The following ANO2 variants were observed in gnomAD, a reference collection of about 807,000 sequenced individuals.
ANO2 encodes the protein anoctamin-2.
ANO2 carries 101 observed loss-of-function variants against 124.2 expected under a neutral mutation model. The ratio of observed to expected loss-of-function variants is 0.81; its 90% CI spans 0.69 to 0.96. The LOEUF (loss-of-function observed/expected upper bound fraction) is 0.96. ANO2 is among the 40% of genes least tolerant of loss of function. The probability of loss-of-function intolerance (pLI) is 0.00; values close to 1 mark genes in which losing one functional copy is unlikely to be tolerated. For missense variants in ANO2, 1,293 were observed against 1,274.5 expected (o/e 1.01, Z -0.22); for synonymous variants, 486 against 482.5 (o/e 1.01, Z -0.09).
At chr12:5,941,471 G>A (rs554894043) in intron 1 of ANO2, among the ~76,000 whole-genome samples, 6 of 151,972 alleles carry the variant, frequency 3.9e-5, no homozygotes, top group African/African-American at 1.2e-4. Context: ...GAAACTAGTA[G>A]GGCGATACCA....
chr12:5,615,432 A>G lies in ANO2; in HGVS notation c.1817-135T>C. ...ATCACGAGACCCATCTCTCTGGCAC[A>G]TTAGAACTGAAGTCATCTGGGAGGC... On this transcript the variant is annotated intron_variant, in intron 16 of 24. Coordinates refer to ENST00000682330, the MANE Select transcript of ANO2 (RefSeq NM_001364791.2). 4 of 647,856 alleles carry G rather than the reference A, an allele frequency of 6.2e-6. No individual in the cohort carries two copies. In the South Asian group the frequency reaches 8.1e-5, roughly 13 times the overall value. The allele number at this position is 647,856 out of a possible 1,614,324, so 40.1% of individuals were successfully genotyped here. A position where few individuals can be genotyped will look rare whatever the true frequency, so the allele number is the denominator to read the frequency against.
At position 5,587,981 on chromosome 12, in the gene ANO2, T is replaced by G. The variant is rs529802568; in HGVS notation, c.2234-9463A>C. On this transcript the variant is annotated intron_variant, in intron 20 of 24. Transcript: ENST00000682330. ...CGTTGAGGACCTGCCCCACCATTCC[T>G]ACTGACAGGCCCAGAGTGGGCTCAG... 2.5e-4 allele frequency among the ~76,000 whole-genome samples: 38 copies of G among 152,364 alleles called. No individual in the cohort carries two copies. In the South Asian group the frequency reaches 7.9e-3, roughly 32 times the overall value.
intron 4 of ANO2, among the ~76,000 whole-genome samples, chr12:5,852,371 C>A (rs1954938711): frequency 6.6e-6 from 1 of 152,190 alleles, no homozygotes; most frequent in Admixed American, 6.5e-5. Context: ...ATGTGACCCC[C>A]CTCCCCGACA....
At chr12:5,920,999 G>T in intron 3 of ANO2, 41 bp downstream of exon 3, 3 of 1,568,968 alleles carry the variant, frequency 1.9e-6, no homozygotes, top group South Asian at 2.4e-5. Flanking sequence ...GTTCTGTGGT[G>T]CCATTCCATC....
rs890227773 is a variant in ANO2, at chr12:5,732,879, T to C, written c.1435-249A>G. The C allele has an allele frequency of 2.5e-6, 4 of 1,613,848 alleles. No homozygotes were observed. In the African/African-American group the frequency reaches 5.3e-5, roughly 22 times the overall value. On this transcript the variant is annotated intron_variant, in intron 13 of 24. Coordinates refer to ENST00000682330, the MANE Select transcript of ANO2 (RefSeq NM_001364791.2). ...TGAAAACCAAACCTGGGCACGTTCC[T>C]GGGGATAGCGCCGGTGTTGAGAAAA...
intron 4 of ANO2, among the ~76,000 whole-genome samples, chr12:5,852,965 G>A (rs1375893835): frequency 6.6e-6 from 1 of 151,304 alleles, no homozygotes; most frequent in African/African-American, 2.4e-5. Flanking sequence ...GTTCACCCAT[G>A]GTTAAACTAG....
At chr12:5,877,739 G>T (rs1215676208) in intron 3 of ANO2, among the ~76,000 whole-genome samples, 2 of 152,192 alleles carry the variant, frequency 1.3e-5, no homozygotes, top group Non-Finnish European at 2.9e-5. Context: ...TGGGGTGGGG[G>T]GATCAGGATG....
chr12:5,818,952 T>A (rs1010540154), intron 7 of ANO2, among the ~76,000 whole-genome samples: 2 of 152,180 alleles, frequency 1.3e-5, no homozygotes, highest in African/African-American at 2.4e-5. Flanking sequence ...GAGCATCAAA[T>A]CTGCTAAGAT....
chr12:5,935,063 A>G (rs942716211), intron 1 of ANO2, among the ~76,000 whole-genome samples: 2 of 152,148 alleles, frequency 1.3e-5, no homozygotes, highest in African/African-American at 4.8e-5. Context: ...AATTTTATAA[A>G]ATATCCCAAA....
chr12:5,777,668 T>C (rs1367397197), intron 10 of ANO2, among the ~76,000 whole-genome samples: 2 of 151,896 alleles, frequency 1.3e-5, no homozygotes, highest in African/African-American at 2.4e-5. Flanking sequence ...GATTTTTAAA[T>C]GAAAAGGAAA....
At chr12:5,653,681 A>G (rs377088) in intron 14 of ANO2, among the ~76,000 whole-genome samples, 63,699 of 152,110 alleles carry the variant, frequency 0.42, 15,391 homozygotes, top group African/African-American at 0.65. Flanking sequence ...GCATACATAG[A>G]AGAACAGCTC....
At chr12:5,869,034 G>C (rs1346625148) in intron 3 of ANO2, among the ~76,000 whole-genome samples, 4 of 152,296 alleles carry the variant, frequency 2.6e-5, no homozygotes, top group South Asian at 4.2e-4. Flanking sequence ...AAAAGGCAGA[G>C]GTGATGAGGG....
intron 14 of ANO2, among the ~76,000 whole-genome samples, chr12:5,675,804 T>C (rs908549648): frequency 4.6e-5 from 7 of 152,172 alleles, no homozygotes; most frequent in Admixed American, 2.0e-4. Flanking sequence ...ATCTGTGCAT[T>C]CTCATCTGCT....
intron 10 of ANO2, among the ~76,000 whole-genome samples, chr12:5,778,003 C>T (rs1952279402): frequency 6.6e-6 from 1 of 152,188 alleles, no homozygotes; most frequent in African/African-American, 2.4e-5. Context: ...GGAAATGGAA[C>T]AGAACGGCTT....
At chr12:5,881,344 G>A (rs1418209789) in intron 3 of ANO2, among the ~76,000 whole-genome samples, 1 of 152,096 alleles carries the variant, frequency 6.6e-6, no homozygotes, top group Non-Finnish European at 1.5e-5. Flanking sequence ...ACCACCTCTT[G>A]CCTTCTGGCT....
intron 14 of ANO2, among the ~76,000 whole-genome samples, chr12:5,650,461 T>C (rs898944740): frequency 1.3e-5 from 2 of 152,176 alleles, no homozygotes; most frequent in Non-Finnish European, 2.9e-5. Context: ...ACAGTGCTCA[T>C]GCATTCAGAC....
intron 1 of ANO2, among the ~76,000 whole-genome samples, chr12:5,928,594 T>A (rs1222905565): frequency 6.6e-6 from 1 of 150,444 alleles, no homozygotes; most frequent in Non-Finnish European, 1.5e-5. Flanking sequence ...CTTACTAGTC[T>A]ATCTTCTTTC....
intron 7 of ANO2, among the ~76,000 whole-genome samples, chr12:5,811,610 A>C (rs1953392255): frequency 6.6e-6 from 1 of 152,234 alleles, no homozygotes; most frequent in South Asian, 2.1e-4. Context: ...TAACTTTCAT[A>C]TGAAGGAGCA....
intron 10 of ANO2, among the ~76,000 whole-genome samples, chr12:5,789,779 C>CA (rs1434346269): frequency 1.3e-5 from 2 of 152,150 alleles, no homozygotes; most frequent in Non-Finnish European, 2.9e-5. Context: ...TGTGCCTGTA[C>CA]AAAAAGCCTG....
Sources: gnomAD v4.1 joint callset for allele counts (sites outside exome capture counted in the v4.1 genomes callset) on GRCh38, gnomAD v4.1.1 for gene constraint, MANE v1.5 for transcripts, NCBI Gene and HGNC (gene_info 2026-07-23, HGNC 2026-07-21) for gene names.